OPHN1: variants seen among roughly 807,000 people sequenced by gnomAD.
OPHN1 encodes the protein oligophrenin 1.
Under a neutral mutation model 60.7 loss-of-function variants are expected in OPHN1, and 11 were observed. The observed-to-expected ratio is 0.18, with a 90% CI of 0.11 to 0.30. The LOEUF is 0.30. OPHN1 is among the 10% of genes least tolerant of loss of function. The pLI, the probability that OPHN1 is intolerant of heterozygous loss-of-function variation, is 1.00. For synonymous variants in OPHN1, 226 were observed against 222.6 expected, an observed-to-expected ratio of 1.02 and a Z score of -0.14; for missense variants, 449 against 611.0, an observed-to-expected ratio of 0.73 and a Z score of 2.80.
rs967800261 is a variant in OPHN1 at position 68,207,770 on chromosome X, T to C, written c.833-1097A>G. Reference sequence around the variant, plus strand: ...ATGTTCCTGTCTCAATGAATTACTTTTAGTTCCCACATAAAGAGGTAGCCA... The same window carrying C: ...ATGTTCCTGTCTCAATGAATTACTTCTAGTTCCCACATAAAGAGGTAGCCA... On this transcript the variant is annotated intron_variant, in intron 9 of 24. Coordinates refer to ENST00000355520, the MANE Select transcript of OPHN1 (RefSeq NM_002547.3). Among the ~76,000 whole-genome samples the C allele has an allele frequency of 5.4e-5, 6 of 111,545 alleles. No individual in the cohort carries two copies. The East Asian group carries it at 1.1e-3, about 21-fold the overall frequency.
intron 2 of OPHN1, among the ~76,000 whole-genome samples, chrX:68,323,160 C>T (rs956509690): frequency 8.9e-6 from 1 of 111,991 alleles, no homozygotes; most frequent in African/African-American, 3.2e-5. Context: ...GATACATATA[C>T]ATTGTACCAT....
At chrX:68,275,772 G>T (rs2077989166) in intron 4 of OPHN1, among the ~76,000 whole-genome samples, 1 of 111,922 alleles carries the variant, frequency 8.9e-6, no homozygotes, top group Admixed American at 9.5e-5. Flanking sequence ...AATCTAAGAA[G>T]CAATTTTTAA....
chrX:68,107,258 G>A (rs186378696), intron 18 of OPHN1, among the ~76,000 whole-genome samples: 1 of 111,271 alleles, frequency 9.0e-6, no homozygotes, highest in African/African-American at 3.3e-5. Flanking sequence ...CTCTTATACT[G>A]TATTTGTTTG....
intron 2 of OPHN1, among the ~76,000 whole-genome samples, chrX:68,320,211 T>C (rs1602322744): frequency 9.0e-6 from 1 of 110,680 alleles, no homozygotes; most frequent in Admixed American, 9.7e-5. Flanking sequence ...TAGCCAGGCA[T>C]GGTGTTGGGC....
intron 21 of OPHN1, among the ~76,000 whole-genome samples, chrX:68,058,883 T>C (rs999816580): frequency 4.5e-5 from 5 of 112,242 alleles, no homozygotes; most frequent in African/African-American, 1.6e-4. Context: ...AAACAACTGC[T>C]ATCATTTACT....
At chrX:68,400,588 T>TTTTTTTC (rs767421335) in intron 2 of OPHN1, among the ~76,000 whole-genome samples, 5 of 108,590 alleles carry the variant, frequency 4.6e-5, no homozygotes, top group African/African-American at 1.7e-4. Flanking sequence ...TCTTCTCTCT[T>TTTTTTTC]TTTTTTCTTT....
At chrX:68,141,687 T>C (rs1165000534) in intron 15 of OPHN1, among the ~76,000 whole-genome samples, 1 of 110,992 alleles carries the variant, frequency 9.0e-6, no homozygotes, top group African/African-American at 3.3e-5. Context: ...TTGCAAGGAT[T>C]GTTTGGTTTT....
chrX:68,096,471 T>G (rs1206155331), intron 19 of OPHN1, among the ~76,000 whole-genome samples: 4 of 111,604 alleles, frequency 3.6e-5, no homozygotes, highest in Non-Finnish European at 7.5e-5. Context: ...GTTATAGGGA[T>G]CTCAGCCATG....
chrX:68,274,676 G>T (rs745443420), intron 5 of OPHN1, 62 bp downstream of exon 5: 4 of 780,669 alleles, frequency 5.1e-6, no homozygotes, highest in Non-Finnish European at 7.9e-6. Flanking sequence ...GTGAAGAATA[G>T]TAGCCCATAC....
intron 4 of OPHN1, 63 bp from the exon 5 acceptor site, chrX:68,274,872 C>T: frequency 2.4e-6 from 2 of 830,035 alleles, no homozygotes; most frequent in Admixed American, 2.3e-5. Context: ...ATACAAGATT[C>T]CTTGTTACTA....
At chrX:68,097,089 G>A in intron 18 of OPHN1, 60 bp from the exon 19 acceptor site, 1 of 1,104,673 alleles carries the variant, frequency 9.1e-7, no homozygotes, top group Admixed American at 2.5e-5. Flanking sequence ...TTACAACCAA[G>A]ACTGTTTTAG....
At chrX:68,341,338 A>C (rs2078350678) in intron 2 of OPHN1, among the ~76,000 whole-genome samples, 1 of 109,582 alleles carries the variant, frequency 9.1e-6, no homozygotes, top group Non-Finnish European at 1.9e-5. Flanking sequence ...AAAAAAAAAA[A>C]CCCTAAACCT....
At chrX:68,172,611 TA>T (rs1004991294) in intron 15 of OPHN1, among the ~76,000 whole-genome samples, 1 of 109,897 alleles carries the variant, frequency 9.1e-6, no homozygotes, top group Non-Finnish European at 1.9e-5. Flanking sequence ...TTATAATAGG[TA>T]AAAAAAAATT....
intron 19 of OPHN1, among the ~76,000 whole-genome samples, chrX:68,084,324 TGGGGAGG>T (rs1284818622): frequency 3.2e-5 from 1 of 30,773 alleles, no homozygotes; most frequent in Non-Finnish European, 5.5e-5. Context: ...CACAAAGAGG[TGGGGAGG>T]GGGGAGGGAG....
intron 21 of OPHN1, among the ~76,000 whole-genome samples, chrX:68,054,035 G>A (rs1206661079): frequency 9.5e-6 from 1 of 105,590 alleles, no homozygotes; most frequent in African/African-American, 3.5e-5. Flanking sequence ...CAGATATCTT[G>A]GGTGTGTCAT....
intron 5 of OPHN1, among the ~76,000 whole-genome samples, chrX:68,256,256 T>A (rs2077863000): frequency 1.8e-5 from 2 of 111,393 alleles, no homozygotes; most frequent in Admixed American, 1.9e-4. Context: ...ACTGTACACA[T>A]GGCTGGCAGA....
chrX:68,363,801 G>A (rs1194772556), intron 2 of OPHN1, among the ~76,000 whole-genome samples: 1 of 110,932 alleles, frequency 9.0e-6, no homozygotes, highest in Non-Finnish European at 1.9e-5. Context: ...ACATACCTGG[G>A]ATTTGCTTTA....
At chrX:68,306,815 C>T (rs992055092) in intron 2 of OPHN1, among the ~76,000 whole-genome samples, 5 of 111,318 alleles carry the variant, frequency 4.5e-5, no homozygotes, top group Admixed American at 2.9e-4. Context: ...CTTGACCTCC[C>T]GGGCTCAAGT....
rs753011477 is a variant in OPHN1, at chrX:68,400,309, C to T, written c.154+32558G>A. Among the ~76,000 whole-genome samples, 14 of 111,452 alleles carry T rather than the reference C, an allele frequency of 1.3e-4. No individual in the cohort carries two copies. The East Asian group carries it at 3.1e-3, about 25-fold the overall frequency. On this transcript the variant is annotated intron_variant, in intron 2 of 24. Coordinates refer to ENST00000355520, the MANE Select transcript of OPHN1 (RefSeq NM_002547.3). ...GTTTTGTCCAATTCTTTGTCCAAAA[C>T]GCCAAGAACCTGGACAACTTGCAGT...
Sources: allele counts gnomAD v4.1 joint callset (sites outside exome capture counted in the v4.1 genomes callset), GRCh38; gene constraint gnomAD v4.1.1; transcripts MANE v1.5; gene names NCBI Gene and HGNC (gene_info 2026-07-23, HGNC 2026-07-21).